The following NBEA variants were observed in gnomAD, a reference collection of about 807,000 sequenced individuals.
The protein encoded by NBEA is neurobeachin.
NBEA carries 44 observed loss-of-function variants against 343.4 expected under a neutral mutation model. The observed-to-expected ratio is 0.13, with a 90% CI of 0.10 to 0.16. The LOEUF (loss-of-function observed/expected upper bound fraction) is 0.16, where lower values mean the gene tolerates loss of function less well. Among genes scored for constraint, NBEA ranks in the 10% least tolerant of loss-of-function variants. NBEA has a pLI of 1.00. For missense variants in NBEA, 2,555 were observed against 3,631.3 expected, an observed-to-expected ratio of 0.70 and a Z score of 7.62; for synonymous variants, 1,175 against 1,238.7, an observed-to-expected ratio of 0.95 and a Z score of 1.08.
At chr13:35,127,604 A>G in intron 17 of NBEA, among the ~76,000 whole-genome samples, 1 of 152,208 alleles carries the variant, frequency 6.6e-6, no homozygotes, top group East Asian at 1.9e-4. Context: ...ATGAAATATT[A>G]CAAATATAGG....
chr13:35,107,639 A>G (rs1287146389), intron 11 of NBEA, among the ~76,000 whole-genome samples: 12 of 151,888 alleles, frequency 7.9e-5, no homozygotes, highest in Non-Finnish European at 1.5e-5. Flanking sequence ...ATCTCTTAGA[A>G]TATGTTCTGT....
rs547956342 is a variant in NBEA at position 35,056,623 on chromosome 13, A to G, written c.1092+494A>G. Among the ~76,000 whole-genome samples the G allele has an allele frequency of 2.6e-4, 39 of 152,250 alleles. 1 individual carries two copies. In the South Asian group the frequency reaches 5.0e-3, roughly 19 times the overall value. On this transcript the variant is annotated intron_variant, in intron 7 of 58. Transcript: ENST00000379939. ...GCAAGATATGTGGGGAACTTCTTCTATTCAGTGGGAACAGTGAGTGCAAAG... is the reference window on the plus strand; with the variant it reads ...GCAAGATATGTGGGGAACTTCTTCTGTTCAGTGGGAACAGTGAGTGCAAAG...
chr13:35,607,173 T>C (rs1010529498), intron 48 of NBEA, among the ~76,000 whole-genome samples: 1 of 152,192 alleles, frequency 6.6e-6, no homozygotes, highest in Admixed American at 6.5e-5. Flanking sequence ...CCTCAGCCTC[T>C]TGAGTAGCTG....
Position 35,162,710 on chromosome 13 carries a change from A to G in NBEA, c.4079+743A>G, listed in dbSNP as rs1448379830. ...CCTCTTTCAAAATCAATCATCAGAA[A>G]AAGAAAATGGGATTATAATGACTGG... is the stretch of plus-strand genomic sequence containing the variant. On this transcript the variant is annotated intron_variant, in intron 23 of 58. Coordinates refer to ENST00000379939, the MANE Select transcript of NBEA (RefSeq NM_001385012.1). 5.9e-5 allele frequency among the ~76,000 whole-genome samples: 9 copies of G among 152,192 alleles called. 1 individual carries two copies. Among genetic ancestry groups the G allele is most frequent in the African/African-American group, 2.2e-4 (9 of 41,524 alleles).
At chr13:35,080,408 G>C (rs1383458854) in intron 10 of NBEA, among the ~76,000 whole-genome samples, 1 of 152,106 alleles carries the variant, frequency 6.6e-6, no homozygotes, top group African/African-American at 2.4e-5. Flanking sequence ...TTACGTATCT[G>C]ATGGAAAAAG....
At chr13:35,054,099 T>C (rs1379525106) in intron 6 of NBEA, among the ~76,000 whole-genome samples, 2 of 152,110 alleles carry the variant, frequency 1.3e-5, no homozygotes, top group African/African-American at 4.8e-5. Context: ...CTAGTATTTA[T>C]CTTAAAACTG....
At chr13:35,233,058 T>C (rs374292765) in intron 34 of NBEA, among the ~76,000 whole-genome samples, 42 of 152,256 alleles carry the variant, frequency 2.8e-4, no homozygotes, top group African/African-American at 1.0e-3. Context: ...AGAGAAATAC[T>C]TAACAAAGAA....
At chr13:35,122,856 A>G (rs981638119) in intron 16 of NBEA, among the ~76,000 whole-genome samples, 2 of 152,130 alleles carry the variant, frequency 1.3e-5, no homozygotes, top group African/African-American at 4.8e-5. Context: ...ACAAAACGTT[A>G]CTGTTCTAGT....
intron 38 of NBEA, among the ~76,000 whole-genome samples, chr13:35,404,766 T>A (rs1426254522): frequency 4.6e-5 from 7 of 151,224 alleles, no homozygotes; most frequent in Admixed American, 2.0e-4. Flanking sequence ...TAATAAAATT[T>A]AAAAAAAAGA....
At chr13:35,313,084 G>T (rs2254767) in intron 36 of NBEA, among the ~76,000 whole-genome samples, 8,210 of 152,164 alleles carry the variant, frequency 0.054, 448 homozygotes, top group East Asian at 0.16. Context: ...GAGAACCAGA[G>T]GCCCTGCTTT....
At chr13:35,418,030 A>G (rs943242322) in intron 38 of NBEA, among the ~76,000 whole-genome samples, 4 of 152,246 alleles carry the variant, frequency 2.6e-5, no homozygotes, top group Non-Finnish European at 5.9e-5. Context: ...TTGTTGGTTT[A>G]AAGTCTGTTT....
At chr13:35,488,994 T>C (rs2076403267) in intron 41 of NBEA, among the ~76,000 whole-genome samples, 1 of 151,910 alleles carries the variant, frequency 6.6e-6, no homozygotes, top group Non-Finnish European at 1.5e-5. Context: ...CATTTATGTC[T>C]GTATGGGTGG....
intron 1 of NBEA, among the ~76,000 whole-genome samples, chr13:35,016,811 C>T (rs1027379087): frequency 4.6e-5 from 7 of 152,090 alleles, no homozygotes; most frequent in African/African-American, 1.7e-4. Context: ...AGAGTCAGTC[C>T]TGCTAAGAGC....
intron 30 of NBEA, among the ~76,000 whole-genome samples, chr13:35,187,832 T>A (rs1274658347): frequency 6.6e-6 from 1 of 152,186 alleles, no homozygotes; most frequent in African/African-American, 2.4e-5. Context: ...TGCTATTCTT[T>A]CTTTTGCTCA....
At chr13:35,526,029 C>T (rs577539261) in intron 41 of NBEA, among the ~76,000 whole-genome samples, 29 of 152,298 alleles carry the variant, frequency 1.9e-4, no homozygotes, top group Non-Finnish European at 3.8e-4. Context: ...AGCATTTAGA[C>T]TTTTTGTGAC....
At chr13:35,471,137 T>G (rs2075625923) in intron 40 of NBEA, among the ~76,000 whole-genome samples, 1 of 152,170 alleles carries the variant, frequency 6.6e-6, no homozygotes, top group Admixed American at 6.5e-5. Flanking sequence ...AGCCACCCCC[T>G]TGTAATCGCG....
intron 41 of NBEA, chr13:35,476,389 C>T: frequency 8.8e-7 from 1 of 1,139,950 alleles, no homozygotes; most frequent in Non-Finnish European, 1.3e-6. Context: ...CCCAGCCGTT[C>T]TTAAAGTGAA....
intron 49 of NBEA, among the ~76,000 whole-genome samples, chr13:35,628,952 C>T (rs2083340647): frequency 6.6e-6 from 1 of 152,084 alleles, no homozygotes; most frequent in Non-Finnish European, 1.5e-5. Context: ...AGGAATATTT[C>T]TACCTTTTAG....
intron 41 of NBEA, among the ~76,000 whole-genome samples, chr13:35,498,492 G>C (rs964945681): frequency 1.3e-5 from 2 of 152,024 alleles, no homozygotes; most frequent in African/African-American, 4.8e-5. Flanking sequence ...AGAACTGGTT[G>C]TAGCAATATT....
Sources: allele counts gnomAD v4.1 joint callset (sites outside exome capture counted in the v4.1 genomes callset), GRCh38; gene constraint gnomAD v4.1.1; transcripts MANE v1.5; gene names NCBI Gene and HGNC (gene_info 2026-07-23, HGNC 2026-07-21).